The following ROBO1 variants were observed in gnomAD, a reference collection of about 807,000 sequenced individuals.
ROBO1 encodes the protein roundabout homolog 1.
Under a neutral mutation model 195.9 loss-of-function variants are expected in ROBO1, and 149 were observed. The ratio of observed to expected loss-of-function variants is 0.76; its 90% CI spans 0.67 to 0.87. The LOEUF is 0.87. ROBO1 is among the 40% of genes least tolerant of loss of function. ROBO1 has a pLI of 0.00. For synonymous variants in ROBO1, 816 were observed against 733.2 expected, an observed-to-expected ratio of 1.11 and a Z score of -1.82; for missense variants, 1,933 against 2,068.3, an observed-to-expected ratio of 0.93 and a Z score of 1.27.
intron 2 of ROBO1, among the ~76,000 whole-genome samples, chr3:79,579,958 T>C (rs890908792): frequency 1.3e-5 from 2 of 152,100 alleles, no homozygotes; most frequent in African/African-American, 2.4e-5. Context: ...TATGCTTGTA[T>C]GCCTCTGCTT....
intron 1 of ROBO1, among the ~76,000 whole-genome samples, chr3:79,736,572 A>G (rs1204444725): frequency 1.3e-5 from 2 of 152,202 alleles, no homozygotes; most frequent in African/African-American, 4.8e-5. Context: ...CATAACTTTC[A>G]ACATTTATCT....
chr3:79,607,398 C>T (rs937975224), intron 1 of ROBO1, among the ~76,000 whole-genome samples: 1 of 151,494 alleles, frequency 6.6e-6, no homozygotes, highest in African/African-American at 2.4e-5. Context: ...AAGTTTTGTT[C>T]ATTTGATGGA....
chr3:78,614,806 G>A lies in ROBO1; in HGVS notation c.4283-6C>T, dbSNP rs1027832. 626,622 of 1,543,268 alleles carry A rather than the reference G, an allele frequency of 0.41. 129,111 individuals carry two copies. The highest frequency in any genetic ancestry group is 0.54 in the Admixed American group (27,495 of 50,548). On this transcript the variant is annotated splice_polypyrimidine_tract_variant and splice_region_variant and intron_variant, in intron 27 of 30. Transcript: ENST00000464233. ...CGCATGAAAATGTCGACGGCCTAAG[G>A]AGAAAAAAAAAAAAAATCCAAGCCA... is the stretch of plus-strand genomic sequence containing the variant.
intron 4 of ROBO1, among the ~76,000 whole-genome samples, chr3:78,793,346 G>A (rs1362521592): frequency 6.6e-6 from 1 of 152,156 alleles, no homozygotes; most frequent in Non-Finnish European, 1.5e-5. Context: ...AGCGATATCT[G>A]TCAAATTCAC....
At chr3:79,705,391 T>A (rs1576258035) in intron 1 of ROBO1, among the ~76,000 whole-genome samples, 1 of 150,028 alleles carries the variant, frequency 6.7e-6, no homozygotes, top group Non-Finnish European at 1.5e-5. Flanking sequence ...TGTTTTCTCA[T>A]GGGGATGTCC....
chr3:79,100,147 A>G (rs2108508487), intron 3 of ROBO1, among the ~76,000 whole-genome samples: 1 of 151,964 alleles, frequency 6.6e-6, no homozygotes, highest in South Asian at 2.1e-4. Flanking sequence ...TTGGGGAAAC[A>G]CAGAAATCAA....
At chr3:79,539,755 A>T (rs1297967161) in intron 2 of ROBO1, among the ~76,000 whole-genome samples, 1 of 152,068 alleles carries the variant, frequency 6.6e-6, no homozygotes, top group Non-Finnish European at 1.5e-5. Context: ...AGAGTGGACA[A>T]TTTTTCATGC....
chr3:78,924,213 AT>A (rs2039090823), intron 4 of ROBO1, among the ~76,000 whole-genome samples: 1 of 152,118 alleles, frequency 6.6e-6, no homozygotes. Context: ...GTATTCTAAA[AT>A]GTGACAGTTA....
chr3:79,007,510 C>T (rs976992631), intron 3 of ROBO1, among the ~76,000 whole-genome samples: 10 of 152,166 alleles, frequency 6.6e-5, no homozygotes, highest in African/African-American at 2.4e-4. Context: ...TATCTGTATA[C>T]TGCTATCCAT....
intron 3 of ROBO1, among the ~76,000 whole-genome samples, chr3:79,049,882 G>A (rs920016268): frequency 6.6e-6 from 1 of 152,072 alleles, no homozygotes; most frequent in Non-Finnish European, 1.5e-5. Flanking sequence ...CCCTACAAGA[G>A]CTCCTGAAGG....
intron 3 of ROBO1, among the ~76,000 whole-genome samples, chr3:78,959,771 A>G (rs1046187847): frequency 7.9e-5 from 12 of 152,244 alleles, no homozygotes; most frequent in African/African-American, 2.7e-4. Context: ...CATGAAAAGC[A>G]ATATAGCAAG....
intron 2 of ROBO1, among the ~76,000 whole-genome samples, chr3:79,483,023 G>A (rs989427751): frequency 6.6e-6 from 1 of 152,166 alleles, no homozygotes; most frequent in Non-Finnish European, 1.5e-5. Flanking sequence ...GAATTACATG[G>A]AGAACTCTTT....
At chr3:79,267,264 T>G (rs2030051116) in intron 2 of ROBO1, among the ~76,000 whole-genome samples, 1 of 151,548 alleles carries the variant, frequency 6.6e-6, no homozygotes, top group Non-Finnish European at 1.5e-5. Flanking sequence ...CTTTACTATT[T>G]ATAGTCCTGG....
chr3:79,764,383 T>G (rs1252115209), intron 1 of ROBO1, among the ~76,000 whole-genome samples: 1 of 152,228 alleles, frequency 6.6e-6, no homozygotes, highest in Non-Finnish European at 1.5e-5. Flanking sequence ...GCCTATTGTA[T>G]GCTATCATGT....
At chr3:79,432,258 A>G (rs1235561569) in intron 2 of ROBO1, among the ~76,000 whole-genome samples, 2 of 152,088 alleles carry the variant, frequency 1.3e-5, no homozygotes, top group Admixed American at 1.3e-4. Context: ...AGACAATGTA[A>G]TGAGTTATAT....
intron 1 of ROBO1, among the ~76,000 whole-genome samples, chr3:79,740,606 A>G (rs1441698483): frequency 2.0e-5 from 3 of 152,124 alleles, no homozygotes; most frequent in Admixed American, 6.5e-5. Flanking sequence ...AGCCACTTAT[A>G]AGACCATCAG....
chr3:79,552,002 A>AAC (rs1942536261), intron 2 of ROBO1, among the ~76,000 whole-genome samples: 2 of 125,260 alleles, frequency 1.6e-5, no homozygotes, highest in East Asian at 2.3e-4. Context: ...AAAAAAAAAA[A>AAC]AAAAAAAAAA....
At chr3:79,205,828 A>G (rs2081856691) in intron 2 of ROBO1, among the ~76,000 whole-genome samples, 1 of 152,168 alleles carries the variant, frequency 6.6e-6, no homozygotes, top group Non-Finnish European at 1.5e-5. Flanking sequence ...TTCCAACATG[A>G]TAACTTATTT....
At chr3:78,799,583 C>T (rs547403732) in intron 4 of ROBO1, among the ~76,000 whole-genome samples, 2 of 152,018 alleles carry the variant, frequency 1.3e-5, no homozygotes, top group East Asian at 1.9e-4. Flanking sequence ...CCTCGTGATC[C>T]ACCCACCTTG....
Sources: gnomAD v4.1 joint callset for allele counts (sites outside exome capture counted in the v4.1 genomes callset) on GRCh38, gnomAD v4.1.1 for gene constraint, MANE v1.5 for transcripts, NCBI Gene and HGNC (gene_info 2026-07-23, HGNC 2026-07-21) for gene names.